Variants in MGAT4C observed in about 807,000 individuals in gnomAD.
The protein encoded by MGAT4C is MGAT4 family member C.
Under a neutral mutation model 40.1 loss-of-function variants are expected in MGAT4C, and 19 were observed. That is an observed-to-expected ratio of 0.47 (90% CI 0.33 to 0.70). The LOEUF (loss-of-function observed/expected upper bound fraction) is 0.70, where lower values mean the gene tolerates loss of function less well. Among genes scored for constraint, MGAT4C ranks in the 30% least tolerant of loss-of-function variants. The pLI, the probability that MGAT4C is intolerant of heterozygous loss-of-function variation, is 0.02. For missense variants in MGAT4C, 491 were observed against 563.2 expected (o/e 0.87, Z 1.30); for synonymous variants, 181 against 187.1 (o/e 0.97, Z 0.27).
chr12:86,120,065 T>C (rs1437189654), intron 1 of MGAT4C, among the ~76,000 whole-genome samples: 2 of 151,886 alleles, frequency 1.3e-5, no homozygotes, highest in African/African-American at 4.8e-5. Flanking sequence ...TAACAATTTA[T>C]ACAAGCTCAA....
chr12:86,421,175 G>A (rs903138611), intron 3 of MGAT4C, among the ~76,000 whole-genome samples: 3 of 151,936 alleles, frequency 2.0e-5, no homozygotes, highest in African/African-American at 7.3e-5. Context: ...GTCTCTACAT[G>A]GCAGAAGTAA....
chr12:86,070,872 T>C (rs1868347863), intron 1 of MGAT4C, among the ~76,000 whole-genome samples: 1 of 152,046 alleles, frequency 6.6e-6, no homozygotes, highest in Non-Finnish European at 1.5e-5. Flanking sequence ...AGCAAAATCA[T>C]TATTTTGCCA....
chr12:86,689,338 CTCTG>C (rs1950132362), intron 2 of MGAT4C, among the ~76,000 whole-genome samples: 2 of 152,176 alleles, frequency 1.3e-5, no homozygotes, highest in Admixed American at 1.3e-4. Flanking sequence ...CTGAAGACTA[CTCTG>C]TCAATTTATC....
chr12:86,334,836 T>C (rs1954748299), intron 3 of MGAT4C, among the ~76,000 whole-genome samples: 1 of 152,144 alleles, frequency 6.6e-6, no homozygotes, highest in Admixed American at 6.6e-5. Context: ...TTCAAAGTCA[T>C]CAGTAATTTC....
intron 1 of MGAT4C, among the ~76,000 whole-genome samples, chr12:86,249,746 G>A (rs1028059383): frequency 1.3e-5 from 2 of 151,996 alleles, no homozygotes; most frequent in African/African-American, 4.8e-5. Context: ...TTCTCATTTT[G>A]ACTTTGTTCT....
chr12:86,325,850 C>G (rs1954513838), intron 4 of MGAT4C, among the ~76,000 whole-genome samples: 1 of 151,130 alleles, frequency 6.6e-6, no homozygotes, highest in Admixed American at 6.6e-5. Flanking sequence ...GCACTCTTGC[C>G]TGGGCAACAG....
At chr12:86,567,952 C>T (rs1037227634) in intron 2 of MGAT4C, among the ~76,000 whole-genome samples, 5 of 152,012 alleles carry the variant, frequency 3.3e-5, no homozygotes, top group African/African-American at 9.7e-5. Context: ...TGCTTCTGGT[C>T]GACAAAGGAT....
At chr12:86,357,712 T>C (rs1486068588) in intron 3 of MGAT4C, among the ~76,000 whole-genome samples, 1 of 151,918 alleles carries the variant, frequency 6.6e-6, no homozygotes, top group Non-Finnish European at 1.5e-5. Context: ...TTTGATCAAG[T>C]GGAAGAAAGG....
At chr12:86,271,061 A>C (rs778520649) in intron 4 of MGAT4C, among the ~76,000 whole-genome samples, 5 of 152,202 alleles carry the variant, frequency 3.3e-5, no homozygotes, top group Non-Finnish European at 7.3e-5. Flanking sequence ...AATACAAAAA[A>C]TACTAAAAGA....
chr12:86,705,543 T>C (rs939659915), intron 2 of MGAT4C, among the ~76,000 whole-genome samples: 3 of 151,928 alleles, frequency 2.0e-5, no homozygotes, highest in Non-Finnish European at 4.4e-5. Flanking sequence ...GTAAAGAAAA[T>C]ATTATGAAAA....
intron 2 of MGAT4C, among the ~76,000 whole-genome samples, chr12:86,638,970 T>C (rs1963301141): frequency 6.6e-6 from 1 of 151,844 alleles, no homozygotes; most frequent in South Asian, 2.1e-4. Flanking sequence ...TGCAATATGA[T>C]GTAAAAAATG....
chr12:86,088,211 C>T (rs1872258595), intron 1 of MGAT4C, among the ~76,000 whole-genome samples: 1 of 151,998 alleles, frequency 6.6e-6, no homozygotes, highest in Admixed American at 6.6e-5. Context: ...ATAGCATATA[C>T]AGAAATCAAC....
intron 3 of MGAT4C, among the ~76,000 whole-genome samples, chr12:86,415,148 C>T (rs1334743634): frequency 6.6e-6 from 1 of 151,878 alleles, no homozygotes; most frequent in Admixed American, 6.6e-5. Flanking sequence ...CAAGTCTCTC[C>T]TGGACTTGTT....
intron 1 of MGAT4C, among the ~76,000 whole-genome samples, chr12:86,225,946 A>T (rs1036805297): frequency 1.3e-5 from 2 of 152,080 alleles, no homozygotes; most frequent in Non-Finnish European, 2.9e-5. Context: ...TAGCCAAAGC[A>T]ATCAGGCAAG....
At chr12:86,034,445 G>C (rs1219859812) in intron 2 of MGAT4C, among the ~76,000 whole-genome samples, 1 of 149,004 alleles carries the variant, frequency 6.7e-6, no homozygotes, top group African/African-American at 2.4e-5. Flanking sequence ...TGGTCTCCAG[G>C]GATTCACTTT....
intron 1 of MGAT4C, among the ~76,000 whole-genome samples, chr12:86,079,411 C>T (rs1398725557): frequency 6.6e-6 from 1 of 152,152 alleles, no homozygotes; most frequent in East Asian, 1.9e-4. Context: ...CCCTGGTGGA[C>T]TTGCTGAAGG....
intron 1 of MGAT4C, among the ~76,000 whole-genome samples, chr12:86,170,571 T>C (rs1384280186): frequency 1.3e-5 from 2 of 152,230 alleles, no homozygotes; most frequent in African/African-American, 4.8e-5. Context: ...TAGTCACTAA[T>C]ATTATTTTTG....
chr12:86,417,627 A>G (rs1470611415), intron 3 of MGAT4C, among the ~76,000 whole-genome samples: 8 of 152,132 alleles, frequency 5.3e-5, no homozygotes, highest in Admixed American at 3.9e-4. Context: ...CTTGACATAA[A>G]TGGTTGGCTT....
At chr12:86,216,633 T>C (rs1309946736) in intron 1 of MGAT4C, among the ~76,000 whole-genome samples, 4 of 152,200 alleles carry the variant, frequency 2.6e-5, no homozygotes, top group Admixed American at 2.6e-4. Flanking sequence ...TTTATAATAT[T>C]GCCAAATTAA....
Sources: allele counts gnomAD v4.1 joint callset (sites outside exome capture counted in the v4.1 genomes callset), GRCh38; gene constraint gnomAD v4.1.1; transcripts MANE v1.5; gene names NCBI Gene and HGNC (gene_info 2026-07-23, HGNC 2026-07-21).